UNC13C: variants seen among roughly 807,000 people sequenced by gnomAD.
UNC13C encodes the protein protein unc-13 homolog C.
A neutral mutation model predicts 245.4 loss-of-function variants in UNC13C; 174 were observed. The observed-to-expected ratio is 0.71, with a 90% CI of 0.63 to 0.80. The LOEUF is 0.80. UNC13C is among the 30% of genes least tolerant of loss of function. UNC13C has a pLI of 0.00. For synonymous variants in UNC13C, 992 were observed against 895.1 expected, an observed-to-expected ratio of 1.11 and a Z score of -1.93; for missense variants, 2,829 against 2,602.9, an observed-to-expected ratio of 1.09 and a Z score of -1.89.
rs74365872 is a variant in UNC13C, at chr15:54,259,233, G to T, written c.3449-4935G>T. Among the ~76,000 whole-genome samples, 402 of 152,322 alleles carry T rather than the reference G, an allele frequency of 2.6e-3. 2 individuals are homozygous for T. The highest frequency in any genetic ancestry group is 9.3e-3 in the African/African-American group (387 of 41,572). ...AATGGGATGCAAACATTCAGACTAC[G>T]CCAGTTAGTTAAGTGGCAGATCAGG... On this transcript the variant is annotated intron_variant, in intron 8 of 32. Transcript: ENST00000260323.
At chr15:53,991,264 T>G (rs75477393) in intron 1 of UNC13C, among the ~76,000 whole-genome samples, 1,716 of 152,136 alleles carry the variant, frequency 0.011, 37 homozygotes, top group Admixed American at 0.052. Context: ...AAGGTTAAAT[T>G]GTAAATGGTG....
intron 25 of UNC13C, among the ~76,000 whole-genome samples, chr15:54,531,881 C>G (rs919148311): frequency 1.3e-5 from 2 of 152,116 alleles, no homozygotes; most frequent in Non-Finnish European, 2.9e-5. Context: ...CTTTCTGTCT[C>G]TATGGATTTG....
At chr15:54,076,025 A>G (rs1898594245) in intron 2 of UNC13C, among the ~76,000 whole-genome samples, 1 of 146,052 alleles carries the variant, frequency 6.8e-6, no homozygotes, top group African/African-American at 2.5e-5. Flanking sequence ...GGTCTTCTAG[A>G]GTTCTAGGTC....
At position 54,438,591 on chromosome 15, in the gene UNC13C, T is replaced by C. The variant is rs115264727; in HGVS notation, c.4933+23524T>C. The stretch of plus-strand genomic sequence containing the variant: ...GCAGAGCATACCTTAATGTTTATGT[T>C]CTTGCCATCAAGGCATAATTTCTCT... On this transcript the variant is annotated intron_variant, in intron 19 of 32. Transcript: ENST00000260323. Among the ~76,000 whole-genome samples the C allele has an allele frequency of 7.9e-3, 1,194 of 152,092 alleles. 7 individuals are homozygous for C. The highest frequency in any genetic ancestry group is 0.027 in the African/African-American group (1,131 of 41,550).
chr15:54,507,599 C>T (rs1010833263), intron 23 of UNC13C, among the ~76,000 whole-genome samples: 3 of 151,860 alleles, frequency 2.0e-5, no homozygotes, highest in South Asian at 4.1e-4. Flanking sequence ...AAATTGCAAA[C>T]GTTAATATAT....
intron 19 of UNC13C, among the ~76,000 whole-genome samples, chr15:54,420,276 C>T (rs2040611945): frequency 6.6e-6 from 1 of 152,040 alleles, no homozygotes; most frequent in South Asian, 2.1e-4. Context: ...ACTTACATGG[C>T]TGTTGAGTAG....
chr15:54,234,925 A>T, intron 4 of UNC13C, 105 bp from the exon 5 acceptor site: 1 of 958,240 alleles, frequency 1.0e-6, no homozygotes, highest in Non-Finnish European at 1.6e-6. Context: ...AAACTATGGT[A>T]TCCAGGTCAT....
intron 2 of UNC13C, among the ~76,000 whole-genome samples, chr15:54,126,845 A>G (rs34662112): frequency 0.34 from 51,199 of 152,100 alleles, 8,676 homozygotes; most frequent in Admixed American, 0.37. Flanking sequence ...TCTACAAGGA[A>G]CTTAAACAAA....
Position 54,338,473 on chromosome 15 carries a change from C to G in UNC13C, c.4697C>G (p.Ser1566Cys). 1 of 1,613,110 alleles carries G rather than the reference C, an allele frequency of 6.2e-7. No homozygotes were observed. The change falls in exon 17 of 33, where the codon TCC (serine) becomes TGC (cysteine). Residue 1566 changes from serine (S) to cysteine (C), a missense_variant. Physicochemically the swap from Ser to Cys is moderately radical, Grantham distance 112. Transcript: ENST00000260323. The part of the protein sequence containing the change: ...YIFDNCHELY[S>C]QLTDPSKKQD... ...TTTGACAACTGCCATGAACTCTACTCCCAGCTAACAGACCCGGTAAGAAAA... is the reference window on the plus strand; with the variant it reads ...TTTGACAACTGCCATGAACTCTACTGCCAGCTAACAGACCCGGTAAGAAAA...
intron 4 of UNC13C, among the ~76,000 whole-genome samples, chr15:54,145,589 A>G (rs1333018333): frequency 2.0e-5 from 3 of 152,264 alleles, no homozygotes; most frequent in Non-Finnish European, 2.9e-5. Flanking sequence ...CTACAACACC[A>G]TGAATACTGT....
intron 29 of UNC13C, among the ~76,000 whole-genome samples, chr15:54,561,728 T>C (rs927133082): frequency 3.3e-5 from 5 of 152,020 alleles, no homozygotes; most frequent in Non-Finnish European, 5.9e-5. Flanking sequence ...TAAAAGGTTA[T>C]GCTAAAGTCA....
intron 17 of UNC13C, among the ~76,000 whole-genome samples, chr15:54,345,609 A>G (rs2038841639): frequency 6.6e-6 from 1 of 152,216 alleles, no homozygotes; most frequent in Non-Finnish European, 1.5e-5. Flanking sequence ...GCATTAACTC[A>G]CGGATATTTG....
At chr15:54,551,629 C>T (rs1896738950) in intron 28 of UNC13C, among the ~76,000 whole-genome samples, 2 of 152,036 alleles carry the variant, frequency 1.3e-5, no homozygotes, top group Non-Finnish European at 2.9e-5. Context: ...TAAAAGCACA[C>T]TATAAATACA....
rs1346931595 is a variant in UNC13C at position 54,088,232 on chromosome 15, C to G, written c.2984-54786C>G. ...TTTTTTTTTTTTTTTTTTTTTACCC[C>G]CTCATCCAATCAGCCAGTTCATCTC... On this transcript the variant is annotated intron_variant, in intron 2 of 32. Coordinates refer to ENST00000260323, the MANE Select transcript of UNC13C (RefSeq NM_001080534.3). Among the ~76,000 whole-genome samples the G allele has an allele frequency of 1.1e-3, 159 of 144,746 alleles. 1 individual carries two copies. Among genetic ancestry groups the G allele is most frequent in the African/African-American group, 3.9e-3 (153 of 38,884 alleles). The allele number at this position is 144,746 out of a possible 152,430, so 95.0% of individuals were successfully genotyped here. A position where few individuals can be genotyped will look rare whatever the true frequency, so the allele number is the denominator to read the frequency against.
At chr15:54,050,251 C>T (rs1419783595) in intron 2 of UNC13C, 21 of 543,826 alleles carry the variant, frequency 3.9e-5, no homozygotes, top group Non-Finnish European at 6.2e-5. Context: ...GTATTACAGG[C>T]GTGAGCCACT....
chr15:54,075,148 A>G (rs1898528836), intron 2 of UNC13C, among the ~76,000 whole-genome samples: 1 of 152,118 alleles, frequency 6.6e-6, no homozygotes, highest in Non-Finnish European at 1.5e-5. Context: ...GTGTATGTCA[A>G]TGATTCAGTT....
intron 19 of UNC13C, among the ~76,000 whole-genome samples, chr15:54,449,394 T>C (rs1000391148): frequency 3.9e-5 from 6 of 152,230 alleles, no homozygotes; most frequent in Non-Finnish European, 7.3e-5. Flanking sequence ...CCATTCTCTC[T>C]GTCACTTTCA....
At chr15:54,631,337 C>A (rs1263645448), downstream of UNC13C, 1 of 152,164 alleles carries the variant, frequency 6.6e-6, no homozygotes, top group Non-Finnish European at 1.5e-5. Flanking sequence ...CAGAATGAGA[C>A]CCTGTCTCAA....
At chr15:54,151,753 T>C (rs889051823) in intron 4 of UNC13C, among the ~76,000 whole-genome samples, 9 of 152,136 alleles carry the variant, frequency 5.9e-5, no homozygotes, top group Admixed American at 6.5e-5. Context: ...ACACAATGGT[T>C]CTACTTTGGG....
Sources: allele counts gnomAD v4.1 joint callset (sites outside exome capture counted in the v4.1 genomes callset), GRCh38; gene constraint gnomAD v4.1.1; transcripts MANE v1.5; gene names NCBI Gene and HGNC (gene_info 2026-07-23, HGNC 2026-07-21).